Variants in ZNF717 observed in about 807,000 individuals in gnomAD.
ZNF717 encodes the protein krueppel-like factor X17.
Under a neutral mutation model 13.8 loss-of-function variants are expected in ZNF717, and 9 were observed. The ratio of observed to expected loss-of-function variants is 0.65; its 90% CI spans 0.39 to 1.14. The LOEUF (loss-of-function observed/expected upper bound fraction) is 1.14, where lower values mean the gene tolerates loss of function less well. Ranked by LOEUF, ZNF717 falls within the 50% of genes most tolerant of loss-of-function variation. The probability of loss-of-function intolerance (pLI) is 0.01; values close to 1 mark genes in which losing one functional copy is unlikely to be tolerated. For synonymous variants in ZNF717, 327 were observed against 364.1 expected, an observed-to-expected ratio of 0.90 and a Z score of 1.16; for missense variants, 1,040 against 1,080.7, an observed-to-expected ratio of 0.96 and a Z score of 0.53.
chr3:75,746,008 C>A (rs3009104), intron 2 of ZNF717, among the ~76,000 whole-genome samples: 2 of 151,994 alleles, frequency 1.3e-5, no homozygotes, highest in Non-Finnish European at 2.9e-5. Flanking sequence ...TATCTCCTAA[C>A]GCTATCCCAC....
chr3:75,780,429 G>A (rs907587613), intron 2 of ZNF717, among the ~76,000 whole-genome samples: 2 of 152,182 alleles, frequency 1.3e-5, no homozygotes, highest in African/African-American at 4.8e-5. Context: ...TTCTGAGATA[G>A]AGTCTTGCTC....
downstream of ZNF717, among the ~76,000 whole-genome samples, chr3:75,726,757 A>T (rs1938289212): frequency 6.6e-6 from 1 of 152,272 alleles, no homozygotes. Context: ...TAGTAACAAA[A>T]ATGTATGCAC....
Position 75,738,162 on chromosome 3 carries a change from C to T in ZNF717, c.1461G>A (p.Thr487=), listed in dbSNP as rs372030153. 1.2e-5 allele frequency: 16 copies of T among 1,294,356 alleles called. No individual in the cohort carries two copies. The highest frequency in any genetic ancestry group is 2.6e-5 in the South Asian group (2 of 77,586). The allele number at this position is 1,294,356 out of a possible 1,614,324, so 80.2% of individuals were successfully genotyped here. The change falls in exon 5 of 5, where the codon ACG becomes ACA. Residue 487 remains threonine (T), a synonymous_variant. Transcript: ENST00000652011. ...TAGTGAGGAATGACTTACGGTGAAACGTTTTCCCACATTCATTGCATTCAT... is the reference window on the plus strand; with the variant it reads ...TAGTGAGGAATGACTTACGGTGAAATGTTTTCCCACATTCATTGCATTCAT... ...KPYECNECGK[T]FHRKSFLTIH...
At chr3:75,753,250 T>A (rs1942084273) in intron 2 of ZNF717, among the ~76,000 whole-genome samples, 3 of 151,528 alleles carry the variant, frequency 2.0e-5, no homozygotes, top group Non-Finnish European at 4.4e-5. Context: ...GCTGCGAGGG[T>A]CTAAATGTCT....
chr3:75,732,337 T>C (rs77522870), downstream of ZNF717, among the ~76,000 whole-genome samples: 275 of 152,380 alleles, frequency 1.8e-3, no homozygotes, highest in African/African-American at 5.9e-3. Context: ...GTGAAGTTCA[T>C]AGTCCAAAAG....
downstream of ZNF717, chr3:75,731,925 C>T: frequency 1.6e-6 from 1 of 619,874 alleles, no homozygotes; most frequent in Non-Finnish European, 2.9e-6. Flanking sequence ...CTGAAACCAC[C>T]TTAGGAACCA....
At chr3:75,761,490 C>A (rs1236574199) in intron 2 of ZNF717, among the ~76,000 whole-genome samples, 1 of 152,254 alleles carries the variant, frequency 6.6e-6, no homozygotes, top group African/African-American at 2.4e-5. Context: ...TCTCCTCCTG[C>A]CACTTCTATT....
downstream of ZNF717, among the ~76,000 whole-genome samples, chr3:75,733,506 C>T (rs372430713): frequency 9.9e-5 from 15 of 152,106 alleles, no homozygotes; most frequent in Admixed American, 6.6e-4. Flanking sequence ...AGGTTGAGCT[C>T]GGTGGCTCAT....
At chr3:75,773,147 G>A (rs377764286) in intron 2 of ZNF717, among the ~76,000 whole-genome samples, 7,935 of 102,990 alleles carry the variant, frequency 0.077, no homozygotes, top group Non-Finnish European at 0.1. Context: ...AAATTCACAG[G>A]GATTTTTGTG....
In ZNF717 at chr3:75,738,375, A is replaced by G; in HGVS notation, c.1248T>C (p.Thr416=). ...QKSYLTIHHR[T]HTGEKPYACD... is the part of the protein sequence containing the mutation. ...ATGCATAGGGCTTTTCCCCTGTGTG[A>G]GTTCTATGATGTATTGTGAGGTATG... Residue 416 remains threonine, a synonymous_variant, in exon 5 of 5, where the codon ACT becomes ACC. Coordinates refer to ENST00000652011, the MANE Select transcript of ZNF717 (RefSeq NM_001290208.3). The G allele has an allele frequency of 6.5e-7, 1 of 1,541,306 alleles. No homozygotes were observed. Among genetic ancestry groups the G allele is most frequent in the African/African-American group, 1.4e-5 (1 of 72,844 alleles).
At chr3:75,769,037 C>T (rs556034143) in intron 2 of ZNF717, among the ~76,000 whole-genome samples, 14 of 152,274 alleles carry the variant, frequency 9.2e-5, no homozygotes, top group African/African-American at 2.9e-4. Context: ...TAGTTTGTGG[C>T]CAGAGGACAA....
At chr3:75,713,020 G>A (rs1355516369) in intron 5 of ZNF717, among the ~76,000 whole-genome samples, 1 of 151,972 alleles carries the variant, frequency 6.6e-6, no homozygotes, top group African/African-American at 2.4e-5. Flanking sequence ...GCTGAGGCAG[G>A]AGGATTGCTG....
At chr3:75,767,550 G>C (rs1943579887) in intron 2 of ZNF717, among the ~76,000 whole-genome samples, 2 of 152,206 alleles carry the variant, frequency 1.3e-5, no homozygotes, top group Non-Finnish European at 2.9e-5. Context: ...CATGCAAGCT[G>C]GAAGGGCATC....
At chr3:75,742,098 GATCTAGA>G (rs1162750584) in intron 2 of ZNF717, among the ~76,000 whole-genome samples, 1 of 152,150 alleles carries the variant, frequency 6.6e-6, no homozygotes, top group Non-Finnish European at 1.5e-5. Context: ...TCACCTTATA[GATCTAGA>G]ACCACCCTTA....
chr3:75,766,779 A>T (rs561695910), intron 2 of ZNF717, among the ~76,000 whole-genome samples: 1 of 152,394 alleles, frequency 6.6e-6, no homozygotes, highest in African/African-American at 2.4e-5. Context: ...ATAGTATGCA[A>T]AGTATGTTGT....
At chr3:75,734,133 A>G (rs1938863334), downstream of ZNF717, among the ~76,000 whole-genome samples, 1 of 151,178 alleles carries the variant, frequency 6.6e-6, no homozygotes, top group Non-Finnish European at 1.5e-5. Context: ...GCAGTGGCAC[A>G]TTCTCGGCTC....
At chr3:75,723,511 G>A (rs1219354137) in intron 4 of ZNF717, among the ~76,000 whole-genome samples, 1 of 152,178 alleles carries the variant, frequency 6.6e-6, no homozygotes, top group Non-Finnish European at 1.5e-5. Flanking sequence ...GATGATATGT[G>A]AATATTAATA....
At chr3:75,783,422 G>A (rs528014358) in intron 1 of ZNF717, 58 bp from the exon 2 acceptor site, 111 of 1,386,238 alleles carry the variant, frequency 8.0e-5, no homozygotes, top group Non-Finnish European at 1.0e-4. Flanking sequence ...TGTGGTCCCA[G>A]ATTCTTCTGC....
chr3:75,784,868 G>A (rs992586078), intron 1 of ZNF717: 1 of 152,140 alleles, frequency 6.6e-6, no homozygotes. Context: ...TATTCATAGG[G>A]AACCCTCCCT....
Sources: allele counts gnomAD v4.1 joint callset (sites outside exome capture counted in the v4.1 genomes callset), GRCh38; gene constraint gnomAD v4.1.1; transcripts MANE v1.5; gene names NCBI Gene and HGNC (gene_info 2026-07-23, HGNC 2026-07-21).